The following SASH1 variants were observed in gnomAD, a reference collection of about 807,000 sequenced individuals.
The protein encoded by SASH1 is SAM and SH3 domain-containing protein 1.
A neutral mutation model predicts 125.2 loss-of-function variants in SASH1; 44 were observed. The observed-to-expected ratio is 0.35, with a 90% CI of 0.28 to 0.45. SASH1 has a LOEUF of 0.45. Among genes scored for constraint, SASH1 ranks in the 20% least tolerant of loss-of-function variants. The probability of loss-of-function intolerance (pLI) is 1.00; values close to 1 mark genes in which losing one functional copy is unlikely to be tolerated. For missense variants in SASH1, 1,426 were observed against 1,614.5 expected (o/e 0.88, Z 2.00); for synonymous variants, 639 against 649.1 (o/e 0.98, Z 0.24).
At chr6:148,282,873 A>G (rs970264670) in intron 1 of SASH1, among the ~76,000 whole-genome samples, 1 of 152,026 alleles carries the variant, frequency 6.6e-6, no homozygotes. Flanking sequence ...CCCCTCCCCA[A>G]ACTCATTTCT....
intron 8 of SASH1, among the ~76,000 whole-genome samples, chr6:148,511,701 A>C (rs1245758667): frequency 6.6e-6 from 1 of 152,228 alleles, no homozygotes; most frequent in African/African-American, 2.4e-5. Flanking sequence ...GTAGGATTTT[A>C]TGAGGAAGGC....
At chr6:148,459,022 A>ACC (rs1491119991) in intron 4 of SASH1, among the ~76,000 whole-genome samples, 2 of 132,560 alleles carry the variant, frequency 1.5e-5, no homozygotes, top group Non-Finnish European at 1.6e-5. Flanking sequence ...ACACACACAC[A>ACC]CCCTCTAGCA....
At chr6:148,424,021 A>C (rs1284221935) in intron 2 of SASH1, among the ~76,000 whole-genome samples, 9 of 151,936 alleles carry the variant, frequency 5.9e-5, no homozygotes, top group African/African-American at 2.2e-4. Flanking sequence ...AAAAAAAAAA[A>C]AAATCCCCAT....
At chr6:148,503,391 A>G (rs1279925099) in intron 8 of SASH1, among the ~76,000 whole-genome samples, 1 of 152,258 alleles carries the variant, frequency 6.6e-6, no homozygotes, top group Non-Finnish European at 1.5e-5. Context: ...GAAAAATTGG[A>G]AACAGGCAAA....
intron 1 of SASH1, among the ~76,000 whole-genome samples, chr6:148,358,046 G>A (rs1374057511): frequency 2.1e-5 from 2 of 94,798 alleles, no homozygotes; most frequent in Non-Finnish European, 3.8e-5. Flanking sequence ...GGCAACAAGA[G>A]CAAAACTCCG....
intron 4 of SASH1, among the ~76,000 whole-genome samples, chr6:148,452,129 T>G (rs1038966291): frequency 1.5e-4 from 23 of 152,250 alleles, no homozygotes; most frequent in African/African-American, 5.5e-4. Context: ...CCATCATTAT[T>G]TGTTTTTTCA....
At chr6:148,468,725 TCTC>T in intron 5 of SASH1, 140 bp downstream of exon 5, 2 of 570,596 alleles carry the variant, frequency 3.5e-6, no homozygotes, top group Non-Finnish European at 6.0e-6. Context: ...ACATCCTTAT[TCTC>T]CTTTTTCTAG....
Position 148,519,765 on chromosome 6 carries a change from G to A in SASH1, c.1081G>A (p.Gly361Ser), listed in dbSNP as rs760079961. 3.1e-6 allele frequency: 5 copies of A among 1,614,030 alleles called. No individual in the cohort carries two copies. The highest frequency in any genetic ancestry group is 2.2e-5 in the East Asian group (1 of 44,862). The change falls in exon 10 of 20, where the codon GGC (glycine) becomes AGC (serine). Residue 361 changes from glycine to serine, a missense_variant. Gly to Ser is a moderately conservative substitution (Grantham distance 56). Around this residue, in one of 3 missense-constraint regions of SASH1, gnomAD observed 567 missense variants for 575.6 expected, o/e 0.99. Coordinates refer to ENST00000367467, the MANE Select transcript of SASH1 (RefSeq NM_015278.5). This position sits in a 1 kb window ranked among gnomAD's most constrained non-coding sequence, Gnocchi z 4.8. The part of the protein sequence containing the change: ...VKTFSKGESR[G>S]LIKPPKKMGT... Reference sequence around the variant, plus strand: ...AACCTTCAGCAAAGGAGAGAGCCGGGGCCTGATTAAGCCCCCCAAGAAGAT... The same window carrying A: ...AACCTTCAGCAAAGGAGAGAGCCGGAGCCTGATTAAGCCCCCCAAGAAGAT...
At chr6:148,217,987 C>G in the SASH1 span, among the ~76,000 whole-genome samples, 1 of 150,874 alleles carries the variant, frequency 6.6e-6, no homozygotes, top group Non-Finnish European at 1.5e-5. Flanking sequence ...TGCACTCCAG[C>G]CTGGGTGAAA....
the SASH1 span, among the ~76,000 whole-genome samples, chr6:148,255,173 C>T: frequency 6.6e-6 from 1 of 152,186 alleles, no homozygotes; most frequent in Admixed American, 6.5e-5. Flanking sequence ...ATACCACAGT[C>T]TGGGTGGCTT....
intron 8 of SASH1, among the ~76,000 whole-genome samples, chr6:148,492,926 A>G (rs918013219): frequency 6.6e-6 from 1 of 152,214 alleles, no homozygotes; most frequent in Non-Finnish European, 1.5e-5. Flanking sequence ...ACACATTTGC[A>G]TTACTAACTT....
chr6:148,410,789 A>G (rs1342825728), intron 2 of SASH1, among the ~76,000 whole-genome samples: 3 of 152,150 alleles, frequency 2.0e-5, no homozygotes, highest in African/African-American at 7.2e-5. Context: ...GGAGGACCTC[A>G]CTGTGAACTA....
intron 2 of SASH1, among the ~76,000 whole-genome samples, chr6:148,436,529 T>C (rs199772221): frequency 2.3e-5 from 3 of 131,090 alleles, no homozygotes; most frequent in African/African-American, 7.7e-5. Flanking sequence ...AAATAAAAAT[T>C]AAAAAAAACA....
intron 8 of SASH1, among the ~76,000 whole-genome samples, chr6:148,507,923 A>G (rs1162134422): frequency 1.3e-5 from 2 of 152,180 alleles, no homozygotes; most frequent in Non-Finnish European, 2.9e-5. Flanking sequence ...CTTGCAGCCC[A>G]CGTCATGGAG....
chr6:148,403,260 A>G (rs1044390250), intron 2 of SASH1, among the ~76,000 whole-genome samples: 4 of 151,448 alleles, frequency 2.6e-5, no homozygotes, highest in Non-Finnish European at 5.9e-5. Flanking sequence ...AATATAGAAT[A>G]TTAATATAAG....
At chr6:148,514,044 G>T in intron 8 of SASH1, 34 of 1,136,434 alleles carry the variant, frequency 3.0e-5, no homozygotes, top group Non-Finnish European at 3.7e-5. Context: ...GAGAGGACAA[G>T]GAAGTAGTTG....
At chr6:148,524,872 A>T in intron 10 of SASH1, 1 of 154,738 alleles carries the variant, frequency 6.5e-6, no homozygotes, top group Non-Finnish European at 1.4e-5. Context: ...CTGGGTTTTC[A>T]GGATGCCTGA....
chr6:148,493,327 C>G (rs1359544498), intron 8 of SASH1, among the ~76,000 whole-genome samples: 1 of 152,152 alleles, frequency 6.6e-6, no homozygotes, highest in Non-Finnish European at 1.5e-5. Flanking sequence ...GAAGAGTTGG[C>G]CAGAAACCCC....
the SASH1 span, among the ~76,000 whole-genome samples, chr6:148,206,204 A>G: frequency 6.6e-6 from 1 of 152,136 alleles, no homozygotes; most frequent in Admixed American, 6.5e-5. Flanking sequence ...AAGCCTAGAA[A>G]CATGCCAGCT....
Sources: allele counts gnomAD v4.1 joint callset (sites outside exome capture counted in the v4.1 genomes callset), GRCh38; gene constraint gnomAD v4.1.1; regional missense constraint gnomAD v4.1.1; non-coding constraint Gnocchi (gnomAD v3.1); transcripts MANE v1.5; gene names NCBI Gene and HGNC (gene_info 2026-07-23, HGNC 2026-07-21).